ABCB11: variants seen among roughly 807,000 people sequenced by gnomAD.
ABCB11 encodes the protein bile salt export pump.
A neutral mutation model predicts 148.0 loss-of-function variants in ABCB11; 95 were observed. The observed-to-expected ratio is 0.64, with a 90% CI of 0.54 to 0.76. The LOEUF (loss-of-function observed/expected upper bound fraction) is 0.76. Among genes scored for constraint, ABCB11 ranks in the 30% least tolerant of loss-of-function variants. The pLI is 0.00. For missense variants in ABCB11, 1,523 were observed against 1,617.8 expected (o/e 0.94, Z 1.01); for synonymous variants, 591 against 555.4 (o/e 1.06, Z -0.90).
In ABCB11 at chr2:168,968,428, T is replaced by G. The variant is rs1400192260; in HGVS notation, c.2074A>C (p.Arg692=). ...FSRGSYQDSL[R]ASIRQRSKSQ... Reference sequence around the variant, plus strand: ...ATCTGCCCCATGGCTTGAGCTTACCTTAAACTATCCTGGTAGCTCCCTCTG... The same window carrying G: ...ATCTGCCCCATGGCTTGAGCTTACCGTAAACTATCCTGGTAGCTCCCTCTG... Residue 692 remains arginine (R), a splice_region_variant and synonymous_variant, in exon 17 of 28, where the codon AGG becomes CGG. Transcript: ENST00000650372. 1 of 1,610,194 alleles carries G rather than the reference T, an allele frequency of 6.2e-7. No homozygotes were observed. The highest frequency in any genetic ancestry group is 8.5e-7 in the Non-Finnish European group (1 of 1,178,112).
intron 10 of ABCB11, among the ~76,000 whole-genome samples, chr2:168,983,427 T>C (rs927771970): frequency 1.3e-5 from 2 of 152,148 alleles, no homozygotes; most frequent in African/African-American, 4.8e-5. Context: ...AAAAACTGTA[T>C]CTAAGTTGTT....
rs183374120 is a variant in ABCB11, at chr2:168,921,989, C to T, written c.*1633G>A. Among the ~76,000 whole-genome samples, 1,078 of 151,838 alleles carry T rather than the reference C, an allele frequency of 7.1e-3. 14 individuals carry two copies. The highest frequency in any genetic ancestry group is 0.024 in the African/African-American group (993 of 41,360). On this transcript the variant is annotated 3_prime_UTR_variant, in exon 28 of 28. Transcript: ENST00000650372. Reference sequence around the variant, plus strand: ...TCAGCCTCCTGAGTAGCTGGGACTACAGGCGCCCGCCACCACGCCCGGCTA... The same window carrying T: ...TCAGCCTCCTGAGTAGCTGGGACTATAGGCGCCCGCCACCACGCCCGGCTA...
At chr2:168,974,000 A>G (rs1693709377) in intron 12 of ABCB11, among the ~76,000 whole-genome samples, 160 bp from the exon 13 acceptor site, 2 of 152,138 alleles carry the variant, frequency 1.3e-5, no homozygotes, top group East Asian at 1.9e-4. Context: ...AAAAACCAGT[A>G]AAAGGAAACA....
At chr2:168,930,024 G>T (rs184916214) in intron 25 of ABCB11, among the ~76,000 whole-genome samples, 3 of 151,864 alleles carry the variant, frequency 2.0e-5, no homozygotes, top group African/African-American at 7.3e-5. Flanking sequence ...AAAGCAGGGG[G>T]GTGGCTTTTT....
At chr2:168,967,467 T>G (rs1438026200) in intron 17 of ABCB11, among the ~76,000 whole-genome samples, 1 of 151,954 alleles carries the variant, frequency 6.6e-6, no homozygotes, top group Non-Finnish European at 1.5e-5. Context: ...TGAGCTATTC[T>G]TTGAATATTT....
At chr2:168,973,642 T>C in intron 13 of ABCB11, 73 bp downstream of exon 13, 1 of 1,552,674 alleles carries the variant, frequency 6.4e-7, no homozygotes, top group Non-Finnish European at 8.8e-7. Flanking sequence ...GCTACACCTT[T>C]CTGTTTGATC....
intron 12 of ABCB11, among the ~76,000 whole-genome samples, chr2:168,975,539 A>AAATATATAAATATTTTTATATTTATAGAT (rs1574457069): frequency 1.1e-5 from 1 of 93,424 alleles, no homozygotes; most frequent in East Asian, 3.6e-4. Context: ...ATTTATAGAT[A>AAATATATAAATATTTTTATATTTATAGAT]AATATATAAA....
chr2:168,955,104 T>A (rs189414885), intron 19 of ABCB11, among the ~76,000 whole-genome samples: 1 of 151,750 alleles, frequency 6.6e-6, no homozygotes, highest in East Asian at 2.0e-4. Context: ...TCTGCTTATT[T>A]TTTTAAAATG....
intron 8 of ABCB11, among the ~76,000 whole-genome samples, chr2:168,991,484 T>C (rs1694520742): frequency 6.6e-6 from 1 of 152,092 alleles, no homozygotes; most frequent in Admixed American, 6.6e-5. Context: ...TACTTAACAG[T>C]AGACACATTA....
chr2:168,923,616 A>G lies in ABCB11; in HGVS notation c.*6T>C. On this transcript the variant is annotated 3_prime_UTR_variant, in exon 28 of 28. Coordinates refer to ENST00000650372, the MANE Select transcript of ABCB11 (RefSeq NM_003742.4). Reference sequence around the variant, plus strand: ...CGTCATGTGTGTCTGAGATTCTTGCATTGGGTCAACTGATGGGGGATCCAG... The same window carrying G: ...CGTCATGTGTGTCTGAGATTCTTGCGTTGGGTCAACTGATGGGGGATCCAG... 1.2e-6 allele frequency: 2 copies of G among 1,613,724 alleles called. No homozygotes were observed. The highest frequency in any genetic ancestry group is 1.7e-6 in the Non-Finnish European group (2 of 1,179,800).
intron 9 of ABCB11, 30 bp downstream of exon 9, chr2:168,990,771 A>G (rs527798596): frequency 1.9e-6 from 3 of 1,611,082 alleles, no homozygotes; most frequent in Non-Finnish European, 2.5e-6. Flanking sequence ...TGATGAAATT[A>G]AGGAAAGAAT....
At chr2:168,988,345 T>TGAGA (rs1379494726) in intron 9 of ABCB11, among the ~76,000 whole-genome samples, 1 of 152,044 alleles carries the variant, frequency 6.6e-6, no homozygotes, top group Non-Finnish European at 1.5e-5. Context: ...ACTCTGTCAG[T>TGAGA]GAGATCATGG....
At chr2:168,919,419 A>G (rs767850343), downstream of ABCB11, among the ~76,000 whole-genome samples, 13 of 152,096 alleles carry the variant, frequency 8.5e-5, no homozygotes, top group Admixed American at 3.3e-4. Context: ...CAGGCATTCT[A>G]GCAGCACCAT....
chr2:168,976,180 C>A (rs1693895101), intron 12 of ABCB11, among the ~76,000 whole-genome samples: 1 of 152,094 alleles, frequency 6.6e-6, no homozygotes, highest in South Asian at 2.1e-4. Context: ...CACTTCATAC[C>A]CTATACTCAG....
intron 14 of ABCB11, 39 bp from the exon 15 acceptor site, chr2:168,970,254 T>A: frequency 3.1e-6 from 5 of 1,591,596 alleles, no homozygotes; most frequent in Non-Finnish European, 4.3e-6. Context: ...GGGAAAAGAA[T>A]TTGATGGCTT....
intron 19 of ABCB11, among the ~76,000 whole-genome samples, chr2:168,946,057 C>A (rs1209360363): frequency 6.6e-6 from 1 of 151,814 alleles, no homozygotes; most frequent in Non-Finnish European, 1.5e-5. Context: ...AACTGAGGAT[C>A]TTGTTACAAT....
At chr2:168,930,215 G>A (rs550991356) in intron 25 of ABCB11, among the ~76,000 whole-genome samples, 21 of 152,118 alleles carry the variant, frequency 1.4e-4, no homozygotes, top group African/African-American at 3.4e-4. Context: ...AGTTCCTTGC[G>A]TTATTTAGAT....
rs1402360352 is a variant in ABCB11 at position 168,924,756 on chromosome 2, C to T, written c.3666G>A (p.Gly1222=). 1.9e-6 allele frequency: 3 copies of T among 1,613,256 alleles called. No homozygotes were observed. The highest frequency in any genetic ancestry group is 2.5e-6 in the Non-Finnish European group (3 of 1,179,628). Residue 1222 remains glycine (G), a synonymous_variant, in exon 27 of 28, where the codon GGG becomes GGA. Transcript: ENST00000650372. ...VGSQGSQLSR[G]EKQRIAIARA... ...GAGCAATAGCAATGCGTTGTTTCTC[C>T]CCTCTAGAGAGTTGAGACCCCTGGG...
chr2:169,016,642 G>A (rs904911962), intron 3 of ABCB11, 136 bp downstream of exon 3: 3 of 740,612 alleles, frequency 4.1e-6, no homozygotes, highest in Non-Finnish European at 6.6e-6. Flanking sequence ...ATTTTAAAGA[G>A]AAAAAGAATG....
Sources: gnomAD v4.1 joint callset for allele counts (sites outside exome capture counted in the v4.1 genomes callset) on GRCh38, gnomAD v4.1.1 for gene constraint, MANE v1.5 for transcripts, NCBI Gene and HGNC (gene_info 2026-07-23, HGNC 2026-07-21) for gene names.